CAMK2B: variants seen among roughly 807,000 people sequenced by gnomAD.
The protein encoded by CAMK2B is calcium/calmodulin-dependent protein kinase type II subunit beta.
CAMK2B carries 27 observed loss-of-function variants against 93.7 expected under a neutral mutation model. The observed-to-expected ratio is 0.29, with a 90% CI of 0.21 to 0.40. The LOEUF (loss-of-function observed/expected upper bound fraction) is 0.40. Among genes scored for constraint, CAMK2B ranks in the 10% least tolerant of loss-of-function variants. The pLI is 1.00. For synonymous variants in CAMK2B, 374 were observed against 358.8 expected (o/e 1.04, Z -0.48); for missense variants, 568 against 895.8 (o/e 0.63, Z 4.67).
chr7:44,293,384 G>T (rs111899942), intron 1 of CAMK2B, among the ~76,000 whole-genome samples: 1 of 152,362 alleles, frequency 6.6e-6, no homozygotes, highest in Non-Finnish European at 1.5e-5. Context: ...ACAGGTGAAT[G>T]GTGATGCATG....
Position 44,218,219 on chromosome 7 carries a change from T to G in CAMK2B, c.*1306A>C, listed in dbSNP as rs1236066232. 2 of 153,180 alleles carry G rather than the reference T, an allele frequency of 1.3e-5. No homozygotes were observed. Among genetic ancestry groups the G allele is most frequent in the East Asian group, 3.8e-4 (2 of 5,210 alleles). The allele number at this position is 153,180 out of a possible 1,614,324, so 9.5% of individuals were successfully genotyped here. ...GGCTCCCACTGTAGCTTTTGCTCCC[T>G]TCTGCTCCCGGCCCAGATTCCAAAG... is the stretch of plus-strand genomic sequence containing the variant. On this transcript the variant is annotated 3_prime_UTR_variant, in exon 24 of 24. Coordinates refer to ENST00000395749, the MANE Select transcript of CAMK2B (RefSeq NM_001220.5).
In CAMK2B at chr7:44,282,897, A is replaced by G. The variant is rs573577572; in HGVS notation, c.160+1234T>C. Among the ~76,000 whole-genome samples the G allele has an allele frequency of 7.8e-4, 118 of 152,204 alleles. 1 individual carries two copies. The highest frequency in any genetic ancestry group is 2.9e-4 in the Non-Finnish European group (20 of 68,034). ...GGCCTCTCCAGCTCCCAATTAGCTCAGATTTGTGCCTGGATGCTAATCAAG... is the reference window on the plus strand; with the variant it reads ...GGCCTCTCCAGCTCCCAATTAGCTCGGATTTGTGCCTGGATGCTAATCAAG... On this transcript the variant is annotated intron_variant, in intron 2 of 23. Coordinates refer to ENST00000395749, the MANE Select transcript of CAMK2B (RefSeq NM_001220.5).
chr7:44,284,302 C>G, intron 1 of CAMK2B, 77 bp from the exon 2 acceptor site: 2 of 1,019,086 alleles, frequency 2.0e-6, no homozygotes, highest in Non-Finnish European at 3.0e-6. Flanking sequence ...ATTAATCTCC[C>G]CATAAACACT....
Position 44,224,027 on chromosome 7 carries a change from T to C in CAMK2B, c.1597+2489A>G, listed in dbSNP as rs898838551. 3.9e-5 allele frequency among the ~76,000 whole-genome samples: 6 copies of C among 152,248 alleles called. No individual in the cohort carries two copies. The highest frequency in any genetic ancestry group is 1.4e-4 in the African/African-American group (6 of 41,468). On this transcript the variant is annotated intron_variant, in intron 20 of 23. Coordinates refer to ENST00000395749, the MANE Select transcript of CAMK2B (RefSeq NM_001220.5). The surrounding 1 kb of genome is among the most constrained non-coding windows in gnomAD (Gnocchi z 4.4). Reference sequence around the variant, plus strand: ...AATGGTAAGTGAAACTAATCTTCTGTTTAATGAAGTAATATGCAGTGCTTT... The same window carrying C: ...AATGGTAAGTGAAACTAATCTTCTGCTTAATGAAGTAATATGCAGTGCTTT...
chr7:44,244,198 C>T (rs899868417), intron 6 of CAMK2B, among the ~76,000 whole-genome samples: 6 of 152,166 alleles, frequency 3.9e-5, no homozygotes, highest in Admixed American at 2.6e-4. Flanking sequence ...ACCCCCTGCC[C>T]GCTGGGTATC....
intron 13 of CAMK2B, among the ~76,000 whole-genome samples, chr7:44,237,202 GT>G (rs563023364): frequency 6.4e-4 from 97 of 152,386 alleles, no homozygotes; most frequent in African/African-American, 2.3e-3. Context: ...AGGCACCACA[GT>G]TAGGCCCATC....
At chr7:44,300,335 TATATATA>T (rs1438074800) in intron 1 of CAMK2B, among the ~76,000 whole-genome samples, 7 of 152,092 alleles carry the variant, frequency 4.6e-5, no homozygotes, top group Non-Finnish European at 7.4e-5. Flanking sequence ...CATGCCCAGC[TATATATA>T]GTAGAGACAC....
chr7:44,306,620 C>T (rs1200372511), intron 1 of CAMK2B, among the ~76,000 whole-genome samples: 2 of 152,210 alleles, frequency 1.3e-5, no homozygotes, highest in African/African-American at 4.8e-5. Flanking sequence ...TGTCTCTTAG[C>T]CCTGGACCCA....
chr7:44,256,131 T>C (rs946999808), intron 4 of CAMK2B, among the ~76,000 whole-genome samples: 1 of 152,286 alleles, frequency 6.6e-6, no homozygotes, highest in East Asian at 1.9e-4. Flanking sequence ...CTGCCTCTCC[T>C]CTCACTCCTC....
intron 18 of CAMK2B, chr7:44,229,128 C>T: frequency 1.5e-6 from 1 of 646,504 alleles, no homozygotes; most frequent in Non-Finnish European, 2.8e-6. Context: ...ACCCTGAAGA[C>T]TGGAATTGAG....
intron 17 of CAMK2B, 138 bp downstream of exon 17, chr7:44,230,868 A>G (rs1158320385): frequency 1.5e-6 from 1 of 673,102 alleles, no homozygotes; most frequent in African/African-American, 1.8e-5. Context: ...GATTACAGCT[A>G]CAGGGTCCCT....
chr7:44,224,208 T>G lies in CAMK2B; in HGVS notation c.1597+2308A>C, dbSNP rs2096447487. Among the ~76,000 whole-genome samples, 1 of 152,064 alleles carries G rather than the reference T, an allele frequency of 6.6e-6. No individual in the cohort carries two copies. The highest frequency in any genetic ancestry group is 2.4e-5 in the African/African-American group (1 of 41,418). ...GAGACCCACCCACCCATTCCACAGA[T>G]GGGAAGCCTAGGCTGCCCCTGCCCT... is the stretch of plus-strand genomic sequence containing the variant. On this transcript the variant is annotated intron_variant, in intron 20 of 23. Transcript: ENST00000395749. This position sits in a 1 kb window ranked among gnomAD's most constrained non-coding sequence, Gnocchi z 4.4.
At chr7:44,280,602 A>T (rs1420917671) in intron 2 of CAMK2B, among the ~76,000 whole-genome samples, 2 of 152,246 alleles carry the variant, frequency 1.3e-5, no homozygotes, top group East Asian at 3.8e-4. Context: ...CACCAAGTTG[A>T]CCAGCAAGCA....
At chr7:44,281,921 A>T (rs1689638019) in intron 2 of CAMK2B, among the ~76,000 whole-genome samples, 1 of 152,164 alleles carries the variant, frequency 6.6e-6, no homozygotes. Flanking sequence ...AACCTGAAGC[A>T]TCTTCCCAAG....
chr7:44,229,057 C>A (rs767630911), intron 18 of CAMK2B, 133 bp from the exon 19 acceptor site: 2 of 876,892 alleles, frequency 2.3e-6, no homozygotes, highest in Non-Finnish European at 3.8e-6. Flanking sequence ...TGAATCAGAG[C>A]CTGCCTCAAT....
chr7:44,219,350 T>C lies in CAMK2B; in HGVS notation c.*175A>G, dbSNP rs2096368954. The stretch of plus-strand genomic sequence containing the variant: ...TGGTTGTCGTCGTCATCTTGTTTTT[T>C]TTTTTTTTTTTTTTGTTTTTTTTTA... On this transcript the variant is annotated 3_prime_UTR_variant, in exon 24 of 24. Coordinates refer to ENST00000395749, the MANE Select transcript of CAMK2B (RefSeq NM_001220.5). 7.6e-6 allele frequency: 1 copy of C among 131,326 alleles called. No homozygotes were observed. The highest frequency in any genetic ancestry group is 2.6e-5 in the African/African-American group (1 of 38,222). 8.1% of individuals were successfully genotyped at this position (131,326 alleles called of 1,614,324 possible). A position where few individuals can be genotyped will look rare whatever the true frequency, so the allele number is the denominator to read the frequency against.
At chr7:44,242,107 A>G in intron 10 of CAMK2B, 111 bp downstream of exon 10, 1 of 1,299,062 alleles carries the variant, frequency 7.7e-7, no homozygotes, top group Non-Finnish European at 1.1e-6. Flanking sequence ...GACCCAAGGG[A>G]GCTCTTGGAT....
At chr7:44,258,611 C>G (rs1034436251) in intron 4 of CAMK2B, among the ~76,000 whole-genome samples, 2 of 152,334 alleles carry the variant, frequency 1.3e-5, no homozygotes, top group East Asian at 3.9e-4. Flanking sequence ...GTGCCCTGTT[C>G]TGTGTGGAGG....
intron 5 of CAMK2B, among the ~76,000 whole-genome samples, chr7:44,252,810 G>T (rs1423564881): frequency 6.6e-6 from 1 of 152,232 alleles, no homozygotes; most frequent in Non-Finnish European, 1.5e-5. Context: ...AGAGCAGGGG[G>T]ACAGGGCTCC....
Sources: gnomAD v4.1 joint callset for allele counts (sites outside exome capture counted in the v4.1 genomes callset) on GRCh38, gnomAD v4.1.1 for gene constraint, Gnocchi (gnomAD v3.1) non-coding constraint, MANE v1.5 for transcripts, NCBI Gene and HGNC (gene_info 2026-07-23, HGNC 2026-07-21) for gene names.